ERICH5: variants seen among roughly 807,000 people sequenced by gnomAD.
The protein encoded by ERICH5 is glutamate rich 5.
A neutral mutation model predicts 28.0 loss-of-function variants in ERICH5; 24 were observed. The ratio of observed to expected loss-of-function variants is 0.86; its 90% CI spans 0.62 to 1.21. The LOEUF is 1.21. Ranked by LOEUF, ERICH5 falls within the 50% of genes most tolerant of loss-of-function variation. The pLI is 0.00. For synonymous variants in ERICH5, 163 were observed against 157.6 expected (o/e 1.03, Z -0.25); for missense variants, 421 against 441.2 (o/e 0.95, Z 0.41).
At chr8:98,083,575 G>A (rs1815218383) in intron 1 of ERICH5, among the ~76,000 whole-genome samples, 1 of 151,848 alleles carries the variant, frequency 6.6e-6, no homozygotes, top group Admixed American at 6.6e-5. Context: ...AGTCTCTGAG[G>A]CAGGGTGGGG....
chr8:98,091,543 A>G (rs1815382190), intron 2 of ERICH5, among the ~76,000 whole-genome samples: 1 of 152,224 alleles, frequency 6.6e-6, no homozygotes, highest in South Asian at 2.1e-4. Flanking sequence ...CACATGTCAT[A>G]CTGTGGGAGC....
chr8:98,069,037 C>G (rs1320163277), intron 1 of ERICH5, among the ~76,000 whole-genome samples: 1 of 152,144 alleles, frequency 6.6e-6, no homozygotes, highest in Non-Finnish European at 1.5e-5. Flanking sequence ...CCTAACTAGA[C>G]AAAAGTTTTC....
intron 1 of ERICH5, among the ~76,000 whole-genome samples, chr8:98,068,304 G>A (rs567874222): frequency 6.3e-4 from 96 of 152,306 alleles, no homozygotes; most frequent in African/African-American, 2.2e-3. Context: ...CACCTCCCAA[G>A]ATGACTGACC....
chr8:98,093,533 T>C lies in ERICH5; in HGVS notation c.*200T>C, dbSNP rs551706928. Reference sequence around the variant, plus strand: ...TGCAAAACTGCTAAGCCATGAACAGTTTTCTTAGCTACTTAGAATGGTTAT... The same window carrying C: ...TGCAAAACTGCTAAGCCATGAACAGCTTTCTTAGCTACTTAGAATGGTTAT... On this transcript the variant is annotated 3_prime_UTR_variant, in exon 3 of 3. Coordinates refer to ENST00000318528, the MANE Select transcript of ERICH5 (RefSeq NM_173549.3). 9.8e-6 allele frequency: 4 copies of C among 409,724 alleles called. No homozygotes were observed. Among genetic ancestry groups the C allele is most frequent in the Non-Finnish European group, 1.7e-5 (4 of 230,468 alleles). 25.4% of individuals were successfully genotyped at this position (409,724 alleles called of 1,614,324 possible). A position where few individuals can be genotyped will look rare whatever the true frequency, so the allele number is the denominator to read the frequency against.
Position 98,064,594 on chromosome 8 carries a change from G to C in ERICH5, c.-76G>C, listed in dbSNP as rs1044660210. 9.4e-6 allele frequency: 12 copies of C among 1,277,982 alleles called. 1 individual carries two copies. The highest frequency in any genetic ancestry group is 4.5e-5 in the South Asian group (3 of 67,102). 79.2% of individuals were successfully genotyped at this position (1,277,982 alleles called of 1,614,324 possible). A position where few individuals can be genotyped will look rare whatever the true frequency, so the allele number is the denominator to read the frequency against. On this transcript the variant is annotated 5_prime_UTR_variant, in exon 1 of 3. Transcript: ENST00000318528. ...GAGCTGGAGAAACTTCCGCGGCTAC[G>C]GGTGCAGTTGCCTTCGGTTCCCGGT...
chr8:98,086,950 CAAAA>C (rs35907854), intron 1 of ERICH5, among the ~76,000 whole-genome samples: 2 of 86,242 alleles, frequency 2.3e-5, no homozygotes, highest in Non-Finnish European at 2.5e-5. Flanking sequence ...GACTCCGTCT[CAAAA>C]AAAAAAAAAA....
chr8:98,072,856 TA>T (rs745648515), intron 1 of ERICH5, among the ~76,000 whole-genome samples: 1 of 152,178 alleles, frequency 6.6e-6, no homozygotes, highest in Admixed American at 6.5e-5. Flanking sequence ...TTTTGTCTTT[TA>T]TTTTTTTTCT....
At chr8:98,087,081 G>A (rs1165363883) in intron 1 of ERICH5, among the ~76,000 whole-genome samples, 4 of 152,052 alleles carry the variant, frequency 2.6e-5, no homozygotes, top group African/African-American at 7.2e-5. Context: ...GGTGGCTTAC[G>A]CCTATAATCC....
chr8:98,072,210 T>A (rs1814931102), intron 1 of ERICH5, among the ~76,000 whole-genome samples: 1 of 152,234 alleles, frequency 6.6e-6, no homozygotes, highest in Admixed American at 6.5e-5. Flanking sequence ...ATGCCAGCAT[T>A]TCTCCTAGCC....
At chr8:98,091,904 T>TCTTTCTTC (rs1563759596) in intron 2 of ERICH5, among the ~76,000 whole-genome samples, 5 of 81,584 alleles carry the variant, frequency 6.1e-5, no homozygotes, top group Non-Finnish European at 1.2e-4. Context: ...TTCTTTCCTT[T>TCTTTCTTC]CTTTCTTTCT....
chr8:98,068,223 T>C (rs551913491), intron 1 of ERICH5, among the ~76,000 whole-genome samples: 14 of 152,250 alleles, frequency 9.2e-5, no homozygotes, highest in African/African-American at 3.4e-4. Flanking sequence ...AGGAATAATC[T>C]ATTCTACTGA....
intron 1 of ERICH5, among the ~76,000 whole-genome samples, chr8:98,087,515 G>A (rs956196178): frequency 1.3e-5 from 2 of 152,076 alleles, no homozygotes; most frequent in Non-Finnish European, 2.9e-5. Context: ...GGGGAAAAAA[G>A]ATGAAGAAAA....
intron 1 of ERICH5, 141 bp from the exon 2 acceptor site, chr8:98,088,935 G>T (rs1815329167): frequency 3.1e-6 from 2 of 635,704 alleles, no homozygotes; most frequent in African/African-American, 3.7e-5. Flanking sequence ...GTCATGGTAT[G>T]GCCTTTCTGT....
chr8:98,086,642 A>G (rs1215571637), intron 1 of ERICH5, among the ~76,000 whole-genome samples: 1 of 152,182 alleles, frequency 6.6e-6, no homozygotes, highest in African/African-American at 2.4e-5. Context: ...TAATTAATAT[A>G]TAATCACTGA....
chr8:98,080,572 C>A (rs1438541466), intron 1 of ERICH5, among the ~76,000 whole-genome samples: 2 of 152,020 alleles, frequency 1.3e-5, no homozygotes, highest in Non-Finnish European at 2.9e-5. Flanking sequence ...TTCATTTCTT[C>A]TTCTCCTTCT....
intron 1 of ERICH5, among the ~76,000 whole-genome samples, chr8:98,081,927 T>TAA (rs200498974): frequency 8.6e-5 from 12 of 139,492 alleles, no homozygotes; most frequent in South Asian, 2.3e-4. Context: ...AAACTTCGTC[T>TAA]AAAAAAAAAA....
intron 1 of ERICH5, among the ~76,000 whole-genome samples, chr8:98,074,627 G>A (rs565431020): frequency 6.6e-6 from 1 of 151,774 alleles, no homozygotes; most frequent in South Asian, 2.1e-4. Context: ...TCAAACTGCT[G>A]GCCTCAAGTG....
Position 98,071,026 on chromosome 8 carries a change from G to T in ERICH5, c.58+6299G>T, listed in dbSNP as rs555446784. Among the ~76,000 whole-genome samples, 5 of 152,268 alleles carry T rather than the reference G, an allele frequency of 3.3e-5. No homozygotes were observed. In the East Asian group the frequency reaches 9.7e-4, roughly 29 times the overall value. ...TGCCTGTAATCCCAGCACTGTGGGA[G>T]GCCGAGGCAGGTGGATCACCTGAGG... is the stretch of plus-strand genomic sequence containing the variant. On this transcript the variant is annotated intron_variant, in intron 1 of 2. Coordinates refer to ENST00000318528, the MANE Select transcript of ERICH5 (RefSeq NM_173549.3).
chr8:98,091,887 T>TCCTTC (rs879794738), intron 2 of ERICH5, among the ~76,000 whole-genome samples: 1 of 84,352 alleles, frequency 1.2e-5, no homozygotes, highest in Non-Finnish European at 2.3e-5. Context: ...TTTCTTTCTT[T>TCCTTC]CTTTCTTTCT....
Sources: gnomAD v4.1 joint callset for allele counts (sites outside exome capture counted in the v4.1 genomes callset) on GRCh38, gnomAD v4.1.1 for gene constraint, MANE v1.5 for transcripts, NCBI Gene and HGNC (gene_info 2026-07-23, HGNC 2026-07-21) for gene names.